Variants in ZMYM2 observed in about 807,000 individuals in gnomAD.
ZMYM2 encodes zinc finger MYM-type containing 2, also known as zinc finger MYM-type protein 2.
Under a neutral mutation model 162.8 loss-of-function variants are expected in ZMYM2, and 56 were observed. The ratio of observed to expected loss-of-function variants is 0.34; its 90% CI spans 0.28 to 0.43. The LOEUF (loss-of-function observed/expected upper bound fraction) is 0.43, where lower values mean the gene tolerates loss of function less well. ZMYM2 is among the 20% of genes least tolerant of loss of function. The probability of loss-of-function intolerance (pLI) is 1.00; values close to 1 mark genes in which losing one functional copy is unlikely to be tolerated. For missense variants in ZMYM2, 1,275 were observed against 1,621.8 expected (o/e 0.79, Z 3.67); for synonymous variants, 510 against 541.6 (o/e 0.94, Z 0.81).
At chr13:20,004,146 A>G (rs978576077) in intron 4 of ZMYM2, among the ~76,000 whole-genome samples, 9 of 152,380 alleles carry the variant, frequency 5.9e-5, no homozygotes, top group East Asian at 1.9e-4. Context: ...TACTGAAACA[A>G]TTGTTACACA....
At chr13:19,928,500 T>C in the ZMYM2 span, among the ~76,000 whole-genome samples, 1 of 152,096 alleles carries the variant, frequency 6.6e-6, no homozygotes, top group Non-Finnish European at 1.5e-5. Context: ...GTGTCTTGTT[T>C]AAACAACCAT....
the ZMYM2 span, among the ~76,000 whole-genome samples, chr13:19,934,261 A>C: frequency 6.6e-6 from 1 of 152,112 alleles, no homozygotes; most frequent in African/African-American, 2.4e-5. Flanking sequence ...CCTGGGTTCA[A>C]GCAATTCTCC....
intron 3 of ZMYM2, among the ~76,000 whole-genome samples, chr13:19,997,209 A>T (rs980082152): frequency 6.6e-6 from 1 of 152,148 alleles, no homozygotes; most frequent in Non-Finnish European, 1.5e-5. Flanking sequence ...TATAAGTTTT[A>T]ATGGCTACAC....
intron 12 of ZMYM2, 44 bp from the exon 13 acceptor site, chr13:20,051,389 C>G (rs1020824520): frequency 2.5e-6 from 4 of 1,583,164 alleles, no homozygotes; most frequent in Non-Finnish European, 3.4e-6. Context: ...TGGAAATCTT[C>G]AAAAATAATT....
the ZMYM2 span, among the ~76,000 whole-genome samples, chr13:19,867,364 A>AG: frequency 6.6e-6 from 1 of 152,128 alleles, no homozygotes; most frequent in African/African-American, 2.4e-5. Flanking sequence ...AAAAAAAAAA[A>AG]AAGTGTTGTC....
chr13:19,991,985 C>G (rs1949665879), intron 2 of ZMYM2, among the ~76,000 whole-genome samples: 1 of 151,986 alleles, frequency 6.6e-6, no homozygotes, highest in African/African-American at 2.4e-5. Flanking sequence ...TCAGGTAATC[C>G]CATATAATCT....
intron 3 of ZMYM2, among the ~76,000 whole-genome samples, chr13:20,000,283 A>G (rs1025975895): frequency 6.6e-6 from 1 of 152,220 alleles, no homozygotes; most frequent in Non-Finnish European, 1.5e-5. Context: ...AGGTTGGTTC[A>G]TGAGGTTTAA....
the ZMYM2 span, among the ~76,000 whole-genome samples, chr13:19,865,819 GTC>G: frequency 1.6e-4 from 25 of 152,274 alleles, no homozygotes; most frequent in African/African-American, 5.8e-4. Context: ...GGAAAAAAAA[GTC>G]TTCATTGTTC....
At chr13:20,043,901 C>T (rs1954517237) in intron 12 of ZMYM2, among the ~76,000 whole-genome samples, 1 of 152,068 alleles carries the variant, frequency 6.6e-6, no homozygotes. Flanking sequence ...GGCCACCCCA[C>T]TGGGGGTCTC....
chr13:19,975,247 C>T (rs1170380910), intron 2 of ZMYM2, among the ~76,000 whole-genome samples: 6 of 150,398 alleles, frequency 4.0e-5, no homozygotes, highest in Non-Finnish European at 8.8e-5. Flanking sequence ...AATTTTGTGA[C>T]ATTAAGTACA....
In ZMYM2 at chr13:20,086,118, T is replaced by A; in HGVS notation, c.*104T>A. The A allele has an allele frequency of 8.0e-7, 1 of 1,249,714 alleles. No individual in the cohort carries two copies. Among genetic ancestry groups the A allele is most frequent in the Non-Finnish European group, 1.1e-6 (1 of 914,606 alleles). The allele number at this position is 1,249,714 out of a possible 1,614,324, so 77.4% of individuals were successfully genotyped here. On this transcript the variant is annotated 3_prime_UTR_variant, in exon 25 of 25. Transcript: ENST00000610343. ...TCAAGTTTACTCCTTCTGTTTTGAG[T>A]TTTGTAGCAGTGTACCCACGCTGGG... is the stretch of plus-strand genomic sequence containing the variant.
intron 9 of ZMYM2, 77 bp from the exon 10 acceptor site, chr13:20,031,242 G>A (rs981310179): frequency 7.1e-6 from 7 of 991,432 alleles, no homozygotes; most frequent in East Asian, 5.3e-5. Flanking sequence ...TCTGGACATC[G>A]TAGATATATG....
the ZMYM2 span, among the ~76,000 whole-genome samples, chr13:19,902,286 T>C: frequency 6.6e-6 from 1 of 152,202 alleles, no homozygotes; most frequent in Admixed American, 6.5e-5. Context: ...TAGCTTCCGT[T>C]TTTTGAAATG....
the ZMYM2 span, among the ~76,000 whole-genome samples, chr13:19,884,462 C>T: frequency 3.3e-5 from 5 of 152,116 alleles, no homozygotes; most frequent in South Asian, 1.0e-3. Flanking sequence ...GCCGTGGTCC[C>T]AGCTACTCGG....
chr13:20,020,824 T>G (rs1424189522), intron 7 of ZMYM2, among the ~76,000 whole-genome samples: 1 of 152,172 alleles, frequency 6.6e-6, no homozygotes, highest in Non-Finnish European at 1.5e-5. Context: ...ATGCAGCATA[T>G]TTTTTCAGAT....
chr13:19,887,863 C>G, the ZMYM2 span, among the ~76,000 whole-genome samples: 1 of 150,874 alleles, frequency 6.6e-6, no homozygotes, highest in Non-Finnish European at 1.5e-5. Flanking sequence ...GTGGGAAACT[C>G]TTCAATTGGC....
chr13:20,064,367 A>T (rs1956509096), intron 18 of ZMYM2, 84 bp from the exon 19 acceptor site: 9 of 1,190,904 alleles, frequency 7.6e-6, no homozygotes, highest in Non-Finnish European at 1.0e-5. Flanking sequence ...GCTGGTTTAC[A>T]TCCTGTGGTT....
the ZMYM2 span, among the ~76,000 whole-genome samples, chr13:19,885,042 C>T: frequency 6.6e-6 from 1 of 152,256 alleles, no homozygotes; most frequent in African/African-American, 2.4e-5. Flanking sequence ...TTTAGCTAGA[C>T]ACAGAGTGCT....
chr13:20,032,073 G>T (rs923557083), intron 10 of ZMYM2, among the ~76,000 whole-genome samples: 2 of 151,868 alleles, frequency 1.3e-5, no homozygotes, highest in African/African-American at 4.8e-5. Flanking sequence ...GTTTCACCAT[G>T]TTGGCCAGGC....
Sources: allele counts gnomAD v4.1 joint callset (sites outside exome capture counted in the v4.1 genomes callset), GRCh38; gene constraint gnomAD v4.1.1; transcripts MANE v1.5; gene names NCBI Gene and HGNC (gene_info 2026-07-23, HGNC 2026-07-21).